RHEBL1: variants seen among roughly 807,000 people sequenced by gnomAD.
The protein encoded by RHEBL1 is RHEB like 1.
RHEBL1 carries 22 observed loss-of-function variants against 27.4 expected under a neutral mutation model. The ratio of observed to expected loss-of-function variants is 0.80; its 90% CI spans 0.57 to 1.15. RHEBL1 has a LOEUF of 1.15. Among genes scored for constraint, RHEBL1 ranks in the 50% most tolerant of loss-of-function variants. The pLI, the probability that RHEBL1 is intolerant of heterozygous loss-of-function variation, is 0.00. For synonymous variants in RHEBL1, 85 were observed against 80.8 expected (o/e 1.05, Z -0.28); for missense variants, 186 against 226.5 (o/e 0.82, Z 1.15).
intron 2 of RHEBL1, among the ~76,000 whole-genome samples, chr12:49,067,685 C>A (rs1031951213): frequency 6.6e-6 from 1 of 152,064 alleles, no homozygotes; most frequent in South Asian, 2.1e-4. Flanking sequence ...GAGGGTGAAG[C>A]GTGAGAATTG....
chr12:49,068,022 T>C (rs1006960783), intron 2 of RHEBL1, among the ~76,000 whole-genome samples: 1 of 152,202 alleles, frequency 6.6e-6, no homozygotes, highest in Non-Finnish European at 1.5e-5. Context: ...ACCCTACTGA[T>C]CTACTAAGTC....
At chr12:49,066,877 A>T in intron 3 of RHEBL1, 91 bp downstream of exon 3, 1 of 1,183,642 alleles carries the variant, frequency 8.4e-7, no homozygotes, top group Non-Finnish European at 1.3e-6. Flanking sequence ...AAATGCTTTT[A>T]ATACTACTTT....
intron 2 of RHEBL1, 116 bp from the exon 3 acceptor site, chr12:49,067,151 G>A: frequency 1.5e-6 from 1 of 667,586 alleles, no homozygotes. Context: ...TGTCCAGGCT[G>A]GGCTGCAGTG....
chr12:49,066,925 A>T (rs752770523), intron 3 of RHEBL1, 43 bp downstream of exon 3: 1 of 1,495,798 alleles, frequency 6.7e-7, no homozygotes, highest in Non-Finnish European at 9.3e-7. Context: ...TTCATCTCCG[A>T]GGGCTGAACT....
intron 5 of RHEBL1, 75 bp from the exon 6 acceptor site, chr12:49,066,353 G>A (rs1454349361): frequency 2.0e-5 from 31 of 1,556,860 alleles, no homozygotes; most frequent in East Asian, 6.7e-5. Context: ...AAGGCTGGAC[G>A]ACTCCTTATC....
chr12:49,066,700 TC>T lies in RHEBL1; in HGVS notation c.193del (p.Asp65MetfsTer52). 1.9e-6 allele frequency: 3 copies of T among 1,613,698 alleles called. No homozygotes were observed. The highest frequency in any genetic ancestry group is 2.5e-6 in the Non-Finnish European group (3 of 1,179,656). On this transcript the variant is annotated frameshift_variant and splice_region_variant, in exon 4 of 8. Coordinates refer to ENST00000301068, the MANE Select transcript of RHEBL1 (RefSeq NM_144593.3). LOFTEE classifies it high-confidence loss of function. ...HLHLVDTAGQ[D>X]EYSILPYSFI... ...TGAATAGGGCAGAATGCTGTACTCA[TC>T]CTGGCAAGAAATGGGAAACATCAGT... is the stretch of plus-strand genomic sequence containing the variant.
intron 3 of RHEBL1, 133 bp downstream of exon 3, chr12:49,066,835 C>T: frequency 1.0e-5 from 11 of 1,089,922 alleles, no homozygotes; most frequent in Non-Finnish European, 1.4e-5. Flanking sequence ...TATGGAACAG[C>T]TCCAATGAGC....
intron 2 of RHEBL1, among the ~76,000 whole-genome samples, chr12:49,067,402 C>T (rs985962711): frequency 1.3e-5 from 2 of 152,086 alleles, no homozygotes; most frequent in Non-Finnish European, 2.9e-5. Context: ...ACCTCAGCCT[C>T]CCAAGTAGCT....
At position 49,066,312 on chromosome 12, in the gene RHEBL1, T is replaced by A. The variant is rs542688904; in HGVS notation, c.333-34A>T. ...AAACAGCAGTTACTTCAGAATCCCC[T>A]CATTCCCCGCATTCCCCAACTCCTT... On this transcript the variant is annotated intron_variant, in intron 5 of 7. Transcript: ENST00000301068. The A allele has an allele frequency of 8.1e-6, 13 of 1,607,602 alleles. No individual in the cohort carries two copies. The African/African-American group carries it at 1.7e-4, about 21-fold the overall frequency.
At chr12:49,067,156 G>A in intron 2 of RHEBL1, 121 bp from the exon 3 acceptor site, 1 of 648,544 alleles carries the variant, frequency 1.5e-6, no homozygotes, top group Non-Finnish European at 2.6e-6. Flanking sequence ...AGGCTGGGCT[G>A]CAGTGGCATG....
chr12:49,069,020 G>A lies in RHEBL1; in HGVS notation c.124+15C>T. ...GTCGCATACCACCAGCACACTAGGGGAGAAGTCTACTCACTATTCTCCACT... is the reference window on the plus strand; with the variant it reads ...GTCGCATACCACCAGCACACTAGGGAAGAAGTCTACTCACTATTCTCCACT... On this transcript the variant is annotated intron_variant, in intron 2 of 7. Coordinates refer to ENST00000301068, the MANE Select transcript of RHEBL1 (RefSeq NM_144593.3). 1 of 1,609,612 alleles carries A rather than the reference G, an allele frequency of 6.2e-7. No homozygotes were observed. The highest frequency in any genetic ancestry group is 8.5e-7 in the Non-Finnish European group (1 of 1,177,514).
At position 49,065,059 on chromosome 12, in the gene RHEBL1, A is replaced by G; in HGVS notation, c.*44T>C. ...ATCTGCCCCCCACTGGAACATGGCA[A>G]GTGCCGGGGGCAGAAGCAAGGCAGT... On this transcript the variant is annotated 3_prime_UTR_variant, in exon 8 of 8. Coordinates refer to ENST00000301068, the MANE Select transcript of RHEBL1 (RefSeq NM_144593.3). 1.4e-6 allele frequency: 2 copies of G among 1,417,558 alleles called. No individual in the cohort carries two copies. The highest frequency in any genetic ancestry group is 2.3e-5 in the South Asian group (2 of 87,220). The allele number at this position is 1,417,558 out of a possible 1,614,324, so 87.8% of individuals were successfully genotyped here.
intron 7 of RHEBL1, 71 bp downstream of exon 7, chr12:49,065,279 C>G: frequency 3.8e-6 from 6 of 1,560,418 alleles, no homozygotes; most frequent in Non-Finnish European, 5.3e-6. Context: ...CCGCAACATT[C>G]CCACCACCAA....
chr12:49,065,318 A>G, intron 7 of RHEBL1, 32 bp downstream of exon 7: 7 of 1,602,520 alleles, frequency 4.4e-6, no homozygotes, highest in Non-Finnish European at 6.0e-6. Flanking sequence ...CACAGCTACC[A>G]TCACCACCCT....
chr12:49,066,605 C>G lies in RHEBL1; in HGVS notation c.275+14G>C. The G allele has an allele frequency of 6.2e-7, 1 of 1,613,778 alleles. No homozygotes were observed. On this transcript the variant is annotated intron_variant, in intron 4 of 7. Transcript: ENST00000301068. ...GTTCTCCCAAGTCCCGCACTCACAA[C>G]CTTGGTCACTTACCTATGCAGAGAG...
rs566292061 is a variant in RHEBL1 at position 49,064,902 on chromosome 12, G to C, written c.*201C>G. ...GGCTAGAGGCCAGTGTCCATGAGAG[G>C]TCCTTGCCCCTTTGTAAACATTGAC... is the stretch of plus-strand genomic sequence containing the variant. On this transcript the variant is annotated 3_prime_UTR_variant, in exon 8 of 8. Transcript: ENST00000301068. 29 of 591,016 alleles carry C rather than the reference G, an allele frequency of 4.9e-5. No homozygotes were observed. In the African/African-American group the frequency reaches 5.0e-4, roughly 10 times the overall value. 36.6% of individuals were successfully genotyped at this position (591,016 alleles called of 1,614,324 possible).
chr12:49,067,099 C>CTTT (rs10715716), intron 2 of RHEBL1, 64 bp from the exon 3 acceptor site: 208 of 587,280 alleles, frequency 3.5e-4, no homozygotes, highest in Middle Eastern at 8.7e-4. Context: ...TGTCCCCTGA[C>CTTT]TTTTTTTTTT....
rs1938980061 is a variant in RHEBL1, at chr12:49,065,400, C to G, written c.412G>C (p.Ala138Pro). 1 of 1,614,082 alleles carries G rather than the reference C, an allele frequency of 6.2e-7. No individual in the cohort carries two copies. Among genetic ancestry groups the G allele is most frequent in the Non-Finnish European group, 8.5e-7 (1 of 1,180,044 alleles). Residue 138 changes from alanine to proline, a missense_variant, in exon 7 of 8, where the codon GCA (alanine) becomes CCA (proline). Physicochemically the swap from Ala to Pro is conservative, Grantham distance 27. Around this residue, in one of 3 missense-constraint regions of RHEBL1, gnomAD observed 90 missense variants for 95.2 expected, o/e 0.95. Coordinates refer to ENST00000301068, the MANE Select transcript of RHEBL1 (RefSeq NM_144593.3). ...EVQAVEGKKL[A>P]ESWGATFMES... is the part of the protein sequence containing the mutation. ...ATAAATGTCGCACCCCAGGACTCTG[C>G]CAGCTTCTTTCCTTCAACTGCCTGT...
intron 2 of RHEBL1, 24 bp from the exon 3 acceptor site, chr12:49,067,059 T>C: frequency 6.3e-7 from 1 of 1,576,172 alleles, no homozygotes; most frequent in Non-Finnish European, 8.7e-7. Context: ...AAAACTTGAC[T>C]GTGAAGTGCC....
Sources: gnomAD v4.1 joint callset for allele counts (sites outside exome capture counted in the v4.1 genomes callset) on GRCh38, gnomAD v4.1.1 for gene constraint, gnomAD v4.1.1 regional missense constraint, MANE v1.5 for transcripts, NCBI Gene and HGNC (gene_info 2026-07-23, HGNC 2026-07-21) for gene names.